The following JARID2 variants were observed in gnomAD, a reference collection of about 807,000 sequenced individuals.
JARID2 encodes the protein jumonji and AT-rich interaction domain containing 2.
Under a neutral mutation model 125.6 loss-of-function variants are expected in JARID2, and 21 were observed. The ratio of observed to expected loss-of-function variants is 0.17; its 90% CI spans 0.12 to 0.24. JARID2 has a LOEUF of 0.24. Ranked by LOEUF, JARID2 falls within the 10% of genes least tolerant of loss-of-function variation. JARID2 has a pLI of 1.00. For missense variants in JARID2, 1,303 were observed against 1,639.6 expected, an observed-to-expected ratio of 0.79 and a Z score of 3.55; for synonymous variants, 736 against 661.6, an observed-to-expected ratio of 1.11 and a Z score of -1.73.
At chr6:15,338,860 G>C (rs534197222) in intron 1 of JARID2, among the ~76,000 whole-genome samples, 2 of 152,304 alleles carry the variant, frequency 1.3e-5, no homozygotes, top group East Asian at 3.9e-4. Flanking sequence ...GGAGGATCTT[G>C]GCAAGTTTTC....
At chr6:15,325,596 G>C (rs1220125174) in intron 1 of JARID2, among the ~76,000 whole-genome samples, 1 of 152,138 alleles carries the variant, frequency 6.6e-6, no homozygotes, top group Non-Finnish European at 1.5e-5. Flanking sequence ...TTGGGACTTT[G>C]ATTTCACCAG....
chr6:15,512,974 T>G lies in JARID2; in HGVS notation c.3195T>G (p.Ile1065Met). Reference sequence around the variant, plus strand: ...CCATGGAGAAGTTACTCTACCAGATTGCACAAGCAGAAGCAAAAAAAGAAA... The same window carrying G: ...CCATGGAGAAGTTACTCTACCAGATGGCACAAGCAGAAGCAAAAAAAGAAA... ...PFSMEKLLYQ[I>M]AQAEAKKENG... is the part of the protein sequence containing the mutation. Residue 1065 changes from isoleucine to methionine, a missense_variant, in exon 15 of 18, where the codon ATT becomes ATG. Physicochemically the swap from Ile to Met is conservative, Grantham distance 10. This residue lies in a region of JARID2 where 190 missense variants were observed against 341.4 expected (regional missense o/e 0.56). Transcript: ENST00000341776. The G allele has an allele frequency of 6.2e-7, 1 of 1,613,624 alleles. No homozygotes were observed. The highest frequency in any genetic ancestry group is 8.5e-7 in the Non-Finnish European group (1 of 1,179,898).
Position 15,468,535 on chromosome 6 carries a change from C to A in JARID2, c.494-7C>A. The stretch of plus-strand genomic sequence containing the variant: ...GTGTTTATGAGCTGTTTTTCTTATT[C>A]CACCAGGTTCTCCTGCGCTGCCCAA... On this transcript the variant is annotated splice_region_variant and splice_polypyrimidine_tract_variant and intron_variant, in intron 4 of 17. Coordinates refer to ENST00000341776, the MANE Select transcript of JARID2 (RefSeq NM_004973.4). 1 of 1,606,572 alleles carries A rather than the reference C, an allele frequency of 6.2e-7. No individual in the cohort carries two copies. Among genetic ancestry groups the A allele is most frequent in the Non-Finnish European group, 8.5e-7 (1 of 1,175,954 alleles).
intron 16 of JARID2, 59 bp from the exon 17 acceptor site, chr6:15,517,102 C>A: frequency 7.6e-7 from 1 of 1,321,600 alleles, no homozygotes; most frequent in Non-Finnish European, 1.1e-6. Flanking sequence ...CCTACCTTAC[C>A]CTCCCAGGGC....
At chr6:15,421,891 G>T (rs1359099903) in intron 3 of JARID2, among the ~76,000 whole-genome samples, 2 of 152,140 alleles carry the variant, frequency 1.3e-5, no homozygotes, top group Non-Finnish European at 2.9e-5. Context: ...CTGTGCTGAG[G>T]GGCACCTCTT....
chr6:15,332,243 G>C (rs969442659), intron 1 of JARID2, among the ~76,000 whole-genome samples: 2 of 152,166 alleles, frequency 1.3e-5, no homozygotes, highest in Admixed American at 1.3e-4. Flanking sequence ...ATGGTTCTGT[G>C]AGAAAAACCA....
intron 7 of JARID2, among the ~76,000 whole-genome samples, chr6:15,498,346 T>C (rs1049537840): frequency 1.3e-5 from 2 of 152,232 alleles, no homozygotes; most frequent in Non-Finnish European, 2.9e-5. Flanking sequence ...TGGGCTGTCA[T>C]GCAGACCCTT....
intron 6 of JARID2, among the ~76,000 whole-genome samples, chr6:15,494,437 A>ATTTTTTTTTTT (rs1561902091): frequency 8.1e-4 from 29 of 35,806 alleles, no homozygotes; most frequent in Non-Finnish European, 1.2e-3. Flanking sequence ...TTTTTTTGAG[A>ATTTTTTTTTTT]CAAGAGTCTC....
chr6:15,344,423 T>A (rs1201113150), intron 1 of JARID2, among the ~76,000 whole-genome samples: 1 of 152,040 alleles, frequency 6.6e-6, no homozygotes, highest in East Asian at 1.9e-4. Context: ...TTAAAAAACG[T>A]GACTGAGAGT....
intron 1 of JARID2, among the ~76,000 whole-genome samples, chr6:15,279,693 G>C (rs1581360773): frequency 6.6e-6 from 1 of 152,124 alleles, no homozygotes; most frequent in Non-Finnish European, 1.5e-5. Flanking sequence ...TAATTTGTCA[G>C]AGTTGATGAG....
intron 4 of JARID2, among the ~76,000 whole-genome samples, chr6:15,467,229 C>T (rs1358097859): frequency 6.6e-6 from 1 of 152,142 alleles, no homozygotes; most frequent in Non-Finnish European, 1.5e-5. Flanking sequence ...ATATATAGTT[C>T]CGAAGCTGGA....
At chr6:15,508,283 C>T (rs1771106882) in intron 11 of JARID2, 57 bp from the exon 12 acceptor site, 1 of 862,968 alleles carries the variant, frequency 1.2e-6, no homozygotes, top group East Asian at 2.4e-5. Flanking sequence ...CTTACTGTTC[C>T]TTTGAGACCT....
At chr6:15,272,567 C>T (rs1300432604) in intron 1 of JARID2, among the ~76,000 whole-genome samples, 1 of 152,200 alleles carries the variant, frequency 6.6e-6, no homozygotes, top group Non-Finnish European at 1.5e-5. Context: ...TTAGCCATTT[C>T]CCCCAAATTG....
chr6:15,509,343 CTTT>C (rs1771164022), intron 12 of JARID2: 1 of 985,366 alleles, frequency 1.0e-6, no homozygotes, highest in Admixed American at 6.1e-5. Flanking sequence ...ATTAAACATT[CTTT>C]ATTAAAATAA....
intron 1 of JARID2, among the ~76,000 whole-genome samples, chr6:15,352,304 GC>G (rs200918787): frequency 0.031 from 4,766 of 152,028 alleles, 115 homozygotes; most frequent in South Asian, 0.11. Context: ...AAACTATGTA[GC>G]CCCCCGCCTC....
intron 1 of JARID2, among the ~76,000 whole-genome samples, chr6:15,283,727 A>G (rs1322423647): frequency 2.0e-4 from 25 of 124,756 alleles, no homozygotes; most frequent in Non-Finnish European, 2.9e-4. Flanking sequence ...TTTTTTTGAG[A>G]TGGAGTGTCA....
At chr6:15,414,014 T>C (rs896771560) in intron 3 of JARID2, among the ~76,000 whole-genome samples, 19 of 152,216 alleles carry the variant, frequency 1.2e-4, no homozygotes, top group Admixed American at 1.2e-3. Context: ...TGATACGAAT[T>C]GCTAGTTAGC....
Position 15,278,510 on chromosome 6 carries a change from C to T in JARID2, c.45+31926C>T, listed in dbSNP as rs188237124. On this transcript the variant is annotated intron_variant, in intron 1 of 17. Coordinates refer to ENST00000341776, the MANE Select transcript of JARID2 (RefSeq NM_004973.4). ...CTGAGGCAGGAGAATGGCGTGAACC[C>T]GGGAGGCGGAGCTTGCAGTGAGCCG... Among the ~76,000 whole-genome samples, 912 of 152,130 alleles carry T rather than the reference C, an allele frequency of 6.0e-3. 4 individuals carry two copies. Among genetic ancestry groups the T allele is most frequent in the Non-Finnish European group, 0.01 (713 of 68,006 alleles).
At position 15,374,940 on chromosome 6, in the gene JARID2, T is replaced by C. The variant is rs74709418; in HGVS notation, c.181+688T>C. Among the ~76,000 whole-genome samples the C allele has an allele frequency of 7.5e-3, 1,142 of 152,352 alleles. 15 individuals carry two copies. Among genetic ancestry groups the C allele is most frequent in the African/African-American group, 0.026 (1,083 of 41,580 alleles). On this transcript the variant is annotated intron_variant, in intron 2 of 17. Transcript: ENST00000341776. ...CATTCTATAATCCCCTGTGTACTTA[T>C]CAGGATTACAGTTAAAGTGAATGAA...
Sources: allele counts gnomAD v4.1 joint callset (sites outside exome capture counted in the v4.1 genomes callset), GRCh38; gene constraint gnomAD v4.1.1; regional missense constraint gnomAD v4.1.1; transcripts MANE v1.5; gene names NCBI Gene and HGNC (gene_info 2026-07-23, HGNC 2026-07-21).